Variants in ADGRL2 observed in about 807,000 individuals in gnomAD.
ADGRL2 encodes adhesion G protein-coupled receptor L2, also known as calcium-independent alpha-latrotoxin receptor 2.
In ADGRL2, 44 loss-of-function variants were observed where a neutral mutation model predicts 157.4. The observed-to-expected ratio is 0.28, with a 90% confidence interval of 0.22 to 0.36. The LOEUF is 0.36. Ranked by LOEUF, ADGRL2 falls within the 10% of genes least tolerant of loss-of-function variation. The pLI, the probability that ADGRL2 is intolerant of heterozygous loss-of-function variation, is 1.00. For synonymous variants in ADGRL2, 585 were observed against 624.7 expected (o/e 0.94, Z 0.95); for missense variants, 1,510 against 1,768.9 (o/e 0.85, Z 2.63).
chr1:81,594,335 T>C (rs2081190292), intron 3 of ADGRL2, among the ~76,000 whole-genome samples: 1 of 152,206 alleles, frequency 6.6e-6, no homozygotes, highest in Non-Finnish European at 1.5e-5. Context: ...AAATAGTTAA[T>C]GAAACTCTTC....
At chr1:81,795,315 T>C (rs2087533636) in intron 2 of ADGRL2, among the ~76,000 whole-genome samples, 1 of 152,036 alleles carries the variant, frequency 6.6e-6, no homozygotes, top group Admixed American at 6.5e-5. Context: ...AGAAGGTCAA[T>C]GCTGCAGTGA....
intron 2 of ADGRL2, among the ~76,000 whole-genome samples, chr1:81,462,190 A>G (rs1447171695): frequency 3.3e-5 from 5 of 152,022 alleles, no homozygotes; most frequent in Admixed American, 2.6e-4. Context: ...ACCAATCACC[A>G]CTCTGTAAAA....
chr1:81,921,567 C>T (rs1225860826), intron 3 of ADGRL2, among the ~76,000 whole-genome samples: 2 of 152,150 alleles, frequency 1.3e-5, no homozygotes, highest in East Asian at 3.9e-4. Flanking sequence ...CAGCACACGG[C>T]CCTCCACTCC....
intron 1 of ADGRL2, among the ~76,000 whole-genome samples, chr1:81,378,245 T>C (rs999654960): frequency 3.3e-5 from 5 of 151,206 alleles, no homozygotes; most frequent in Non-Finnish European, 7.4e-5. Flanking sequence ...AAAGAGCAGG[T>C]TTTGTCATCA....
intron 1 of ADGRL2, among the ~76,000 whole-genome samples, chr1:81,342,886 C>T (rs1662177183): frequency 6.6e-6 from 1 of 151,960 alleles, no homozygotes; most frequent in African/African-American, 2.4e-5. Context: ...AGCTCTTTAT[C>T]CCAACACCAG....
intron 3 of ADGRL2, among the ~76,000 whole-genome samples, chr1:81,611,631 A>G (rs1356571369): frequency 1.3e-5 from 2 of 152,198 alleles, no homozygotes; most frequent in Non-Finnish European, 2.9e-5. Context: ...ATAATAAATC[A>G]CATTATCTCT....
chr1:81,841,892 TG>T (rs2092595395), intron 2 of ADGRL2, among the ~76,000 whole-genome samples: 1 of 152,154 alleles, frequency 6.6e-6, no homozygotes. Flanking sequence ...AATAAGAGTG[TG>T]ATAAGTGCCA....
chr1:81,306,218 T>G (rs1232501146), exon 1 of ADGRL2: 4 of 152,210 alleles, frequency 2.6e-5, no homozygotes, highest in Admixed American at 6.5e-5. Context: ...CTCTTCCATC[T>G]TTTTGCCATT....
chr1:81,503,014 G>A, intron 2 of ADGRL2: 3 of 1,612,176 alleles, frequency 1.9e-6, no homozygotes, highest in Admixed American at 3.3e-5. Flanking sequence ...CGTGACCTTG[G>A]CAAGCCAGCA....
intron 7 of ADGRL2, 53 bp downstream of exon 7, chr1:81,950,535 T>C (rs1651440994): frequency 1.4e-6 from 2 of 1,470,768 alleles, no homozygotes; most frequent in South Asian, 2.6e-5. Flanking sequence ...AAGTAGGTTC[T>C]GTATTACAGT....
intron 3 of ADGRL2, among the ~76,000 whole-genome samples, chr1:81,611,219 C>T (rs975536892): frequency 6.6e-6 from 1 of 152,160 alleles, no homozygotes; most frequent in South Asian, 2.1e-4. Flanking sequence ...AGAACAGTCA[C>T]AGGCCACATG....
intron 2 of ADGRL2, among the ~76,000 whole-genome samples, chr1:81,550,453 G>A (rs532916583): frequency 4.6e-5 from 7 of 152,148 alleles, no homozygotes; most frequent in Admixed American, 1.3e-4. Context: ...GAGTGCTTTC[G>A]GGGACTTATT....
chr1:81,509,737 C>T (rs1246842056), intron 2 of ADGRL2, among the ~76,000 whole-genome samples: 1 of 152,192 alleles, frequency 6.6e-6, no homozygotes, highest in African/African-American at 2.4e-5. Context: ...TGGCATGAAG[C>T]TGAACTGACA....
intron 1 of ADGRL2, among the ~76,000 whole-genome samples, chr1:81,314,204 C>T (rs570239171): frequency 9.9e-5 from 15 of 152,240 alleles, no homozygotes; most frequent in South Asian, 2.1e-4. Flanking sequence ...ACTGCTGTGA[C>T]GTAATCTTCA....
At chr1:81,946,560 A>G (rs1557972312) in intron 6 of ADGRL2, among the ~76,000 whole-genome samples, 5 of 152,104 alleles carry the variant, frequency 3.3e-5, no homozygotes, top group African/African-American at 9.7e-5. Context: ...GATATCCCAA[A>G]TATTATAAAG....
chr1:81,867,746 A>G (rs1265776283), intron 2 of ADGRL2, among the ~76,000 whole-genome samples: 1 of 152,218 alleles, frequency 6.6e-6, no homozygotes, highest in African/African-American at 2.4e-5. Flanking sequence ...GTAATATTCA[A>G]AAAAATTTTA....
chr1:81,922,595 T>A (rs1271707058), intron 3 of ADGRL2, among the ~76,000 whole-genome samples: 1 of 152,204 alleles, frequency 6.6e-6, no homozygotes, highest in Non-Finnish European at 1.5e-5. Context: ...TGTATAGATA[T>A]TATTCAGATG....
intron 2 of ADGRL2, among the ~76,000 whole-genome samples, chr1:81,852,297 G>A (rs1166787789): frequency 6.6e-6 from 1 of 152,060 alleles, no homozygotes; most frequent in Non-Finnish European, 1.5e-5. Flanking sequence ...ATGTATTGCT[G>A]TTTGATAAGT....
At chr1:81,551,055 T>G (rs916113615) in intron 2 of ADGRL2, among the ~76,000 whole-genome samples, 2 of 152,152 alleles carry the variant, frequency 1.3e-5, no homozygotes, top group Non-Finnish European at 2.9e-5. Context: ...CTGAGACTCA[T>G]TGAGCTTCAT....
Sources: gnomAD v4.1 joint callset for allele counts (sites outside exome capture counted in the v4.1 genomes callset) on GRCh38, gnomAD v4.1.1 for gene constraint, MANE v1.5 for transcripts, NCBI Gene and HGNC (gene_info 2026-07-23, HGNC 2026-07-21) for gene names.